PPP3CA: variants seen among roughly 807,000 people sequenced by gnomAD.
The protein encoded by PPP3CA is CAM-PRP catalytic subunit.
A neutral mutation model predicts 66.5 loss-of-function variants in PPP3CA; 14 were observed. The observed-to-expected ratio is 0.21, with a 90% CI of 0.14 to 0.33. The LOEUF is 0.33. Ranked by LOEUF, PPP3CA falls within the 10% of genes least tolerant of loss-of-function variation. The pLI, the probability that PPP3CA is intolerant of heterozygous loss-of-function variation, is 1.00. For missense variants in PPP3CA, 317 were observed against 639.5 expected (o/e 0.50, Z 5.44); for synonymous variants, 232 against 226.2 (o/e 1.03, Z -0.23).
intron 1 of PPP3CA, among the ~76,000 whole-genome samples, chr4:101,306,600 A>G (rs1728542328): frequency 6.6e-6 from 1 of 152,186 alleles, no homozygotes; most frequent in Non-Finnish European, 1.5e-5. Context: ...ATAAGAGAAG[A>G]GAGAGAACAC....
At chr4:101,036,934 CTT>C (rs1474569989) in intron 11 of PPP3CA, among the ~76,000 whole-genome samples, 2 of 152,224 alleles carry the variant, frequency 1.3e-5, no homozygotes, top group Non-Finnish European at 2.9e-5. Flanking sequence ...CTTCCTCTCT[CTT>C]GTAGCCTCTC....
chr4:101,179,196 C>G (rs922982126), intron 2 of PPP3CA, among the ~76,000 whole-genome samples: 12 of 152,030 alleles, frequency 7.9e-5, no homozygotes, highest in African/African-American at 2.9e-4. Context: ...CATCACAAGT[C>G]CTCATGTAAG....
At chr4:101,325,707 T>C (rs1729185644) in intron 1 of PPP3CA, among the ~76,000 whole-genome samples, 1 of 152,172 alleles carries the variant, frequency 6.6e-6, no homozygotes, top group African/African-American at 2.4e-5. Context: ...ACTTATGTTG[T>C]AGAAAAAATA....
intron 1 of PPP3CA, among the ~76,000 whole-genome samples, chr4:101,219,228 C>CA (rs1725548385): frequency 6.6e-6 from 1 of 151,948 alleles, no homozygotes; most frequent in East Asian, 1.9e-4. Context: ...TATGTATAAT[C>CA]CAGATTATTC....
chr4:101,124,663 CAG>C (rs1491267775), intron 2 of PPP3CA, among the ~76,000 whole-genome samples: 6 of 55,184 alleles, frequency 1.1e-4, no homozygotes, highest in African/African-American at 3.2e-4. Context: ...GAGAGAGAGA[CAG>C]AAAGAAAGAA....
intron 2 of PPP3CA, among the ~76,000 whole-genome samples, chr4:101,192,482 C>T (rs1330475380): frequency 6.6e-6 from 1 of 152,084 alleles, no homozygotes; most frequent in Non-Finnish European, 1.5e-5. Context: ...TAATATTTAA[C>T]CCTAACCTTC....
intron 10 of PPP3CA, among the ~76,000 whole-genome samples, chr4:101,048,948 T>C (rs902825835): frequency 1.3e-5 from 2 of 152,034 alleles, no homozygotes; most frequent in Non-Finnish European, 2.9e-5. Flanking sequence ...ATTTTAAGGG[T>C]GTAACGGATT....
intron 12 of PPP3CA, among the ~76,000 whole-genome samples, chr4:101,029,600 G>C (rs1375356159): frequency 1.3e-5 from 2 of 151,770 alleles, no homozygotes; most frequent in Non-Finnish European, 2.9e-5. Flanking sequence ...TGGTGATTTA[G>C]TTTTAAAATG....
In PPP3CA at chr4:101,257,916, A is replaced by T. The variant is rs947467595; in HGVS notation, c.59-61800T>A. ...TAATTTCTCTTAAAACCATGTTAGC[A>T]AATGAAACTGTGTTCAAAACAAATT... On this transcript the variant is annotated intron_variant, in intron 1 of 13. Coordinates refer to ENST00000394854, the MANE Select transcript of PPP3CA (RefSeq NM_000944.5). Among the ~76,000 whole-genome samples the T allele has an allele frequency of 3.3e-5, 5 of 152,244 alleles. No individual in the cohort carries two copies. The South Asian group carries it at 6.2e-4, about 19-fold the overall frequency.
chr4:101,332,996 G>A (rs762338518), intron 1 of PPP3CA, among the ~76,000 whole-genome samples: 3 of 151,988 alleles, frequency 2.0e-5, no homozygotes, highest in Admixed American at 6.6e-5. Flanking sequence ...ACTAGCTTAC[G>A]TCTGAGCCCT....
At chr4:101,150,772 A>G (rs1031637729) in intron 2 of PPP3CA, among the ~76,000 whole-genome samples, 2 of 152,214 alleles carry the variant, frequency 1.3e-5, no homozygotes, top group Non-Finnish European at 2.9e-5. Context: ...CTACAAATTA[A>G]TATTAATCGC....
chr4:101,029,362 AAAAAAAAAAAGAAAAAAAAT>A lies in PPP3CA; in HGVS notation c.1340-187_1340-168del, dbSNP rs1400405823. Reference sequence around the variant, plus strand: ...ACAGAAATGCTAAAAAAAAAAAAAAAAAAAAAAAAAGAAAAAAAATGCCACAGAAATTATAAATTTAATTT... The same window carrying A: ...ACAGAAATGCTAAAAAAAAAAAAAAAGCCACAGAAATTATAAATTTAATTT... On this transcript the variant is annotated intron_variant, in intron 12 of 13. Coordinates refer to ENST00000394854, the MANE Select transcript of PPP3CA (RefSeq NM_000944.5). 4.9e-4 allele frequency among the ~76,000 whole-genome samples: 51 copies of A among 104,738 alleles called. No individual in the cohort carries two copies. In the Middle Eastern group the frequency reaches 0.021, roughly 44 times the overall value. 68.7% of individuals were successfully genotyped at this position (104,738 alleles called of 152,430 possible).
chr4:101,073,218 T>C (rs1488379412), intron 8 of PPP3CA, among the ~76,000 whole-genome samples: 1 of 139,276 alleles, frequency 7.2e-6, no homozygotes, highest in East Asian at 2.0e-4. Context: ...TCTACCACCA[T>C]ATATATATAC....
At chr4:101,153,059 G>A (rs1321124533) in intron 2 of PPP3CA, among the ~76,000 whole-genome samples, 1 of 152,126 alleles carries the variant, frequency 6.6e-6, no homozygotes, top group East Asian at 1.9e-4. Context: ...TAAGGGGAAA[G>A]GACCAAGAGA....
chr4:101,182,433 C>G (rs1724265111), intron 2 of PPP3CA, among the ~76,000 whole-genome samples: 1 of 152,098 alleles, frequency 6.6e-6, no homozygotes, highest in South Asian at 2.1e-4. Flanking sequence ...CCTGAGCCTG[C>G]TCTTGAGCAT....
chr4:101,275,345 T>C (rs754130012), intron 1 of PPP3CA, among the ~76,000 whole-genome samples: 1 of 152,228 alleles, frequency 6.6e-6, no homozygotes, highest in South Asian at 2.1e-4. Flanking sequence ...ACCTTTCCTA[T>C]GTACTCTCAC....
chr4:101,176,572 G>A (rs1724066571), intron 2 of PPP3CA, among the ~76,000 whole-genome samples: 1 of 152,070 alleles, frequency 6.6e-6, no homozygotes, highest in African/African-American at 2.4e-5. Context: ...TCTTCCAAAA[G>A]TAAAATTATA....
intron 1 of PPP3CA, among the ~76,000 whole-genome samples, chr4:101,247,526 A>C (rs777853506): frequency 7.9e-5 from 12 of 152,124 alleles, no homozygotes; most frequent in Non-Finnish European, 1.8e-4. Flanking sequence ...CCATTATACT[A>C]TTCTGCATTT....
chr4:101,116,374 G>A (rs1721838286), intron 2 of PPP3CA, among the ~76,000 whole-genome samples: 1 of 151,840 alleles, frequency 6.6e-6, no homozygotes, highest in Non-Finnish European at 1.5e-5. Flanking sequence ...CTCAGCATGA[G>A]GAGATTAATT....
Sources: allele counts gnomAD v4.1 joint callset (sites outside exome capture counted in the v4.1 genomes callset), GRCh38; gene constraint gnomAD v4.1.1; transcripts MANE v1.5; gene names NCBI Gene and HGNC (gene_info 2026-07-23, HGNC 2026-07-21).